The following ACSM1 variants were observed in gnomAD, a reference collection of about 807,000 sequenced individuals.
The protein encoded by ACSM1 is acyl-coenzyme A synthetase ACSM1, mitochondrial.
ACSM1 carries 79 observed loss-of-function variants against 75.8 expected under a neutral mutation model. The observed-to-expected ratio is 1.04, with a 90% CI of 0.87 to 1.26. ACSM1 has a LOEUF of 1.26. Ranked by LOEUF, ACSM1 falls within the 50% of genes most tolerant of loss-of-function variation. The pLI, the probability that ACSM1 is intolerant of heterozygous loss-of-function variation, is 0.00. For missense variants in ACSM1, 676 were observed against 720.1 expected (o/e 0.94, Z 0.70); for synonymous variants, 279 against 265.8 (o/e 1.05, Z -0.48).
chr16:20,687,533 A>T (rs1311469093), intron 2 of ACSM1, among the ~76,000 whole-genome samples: 1 of 152,100 alleles, frequency 6.6e-6, no homozygotes, highest in Non-Finnish European at 1.5e-5. Context: ...CTTTTTTCAA[A>T]TGCCTAACTT....
intron 6 of ACSM1, among the ~76,000 whole-genome samples, chr16:20,663,623 C>T (rs116357727): frequency 0.014 from 2,151 of 152,178 alleles, 54 homozygotes; most frequent in African/African-American, 0.05. Flanking sequence ...GCTGTGATTG[C>T]TATGTTTGAC....
At chr16:20,677,558 A>G (rs78343084) in intron 4 of ACSM1, among the ~76,000 whole-genome samples, 1 of 152,224 alleles carries the variant, frequency 6.6e-6, no homozygotes, top group African/African-American at 2.4e-5. Context: ...ATTGCTGTGT[A>G]AATGTGATAG....
At chr16:20,649,691 T>C (rs537580480) in intron 7 of ACSM1, among the ~76,000 whole-genome samples, 1 of 152,286 alleles carries the variant, frequency 6.6e-6, no homozygotes, top group South Asian at 2.1e-4. Context: ...TGAGAAAATG[T>C]TTAAATTTAC....
intron 7 of ACSM1, among the ~76,000 whole-genome samples, chr16:20,656,226 T>C (rs1440497882): frequency 6.6e-6 from 1 of 152,188 alleles, no homozygotes; most frequent in Non-Finnish European, 1.5e-5. Context: ...ATATGTGTCA[T>C]GTGGAAGTGA....
chr16:20,675,872 G>A lies in ACSM1; in HGVS notation c.612-4201C>T, dbSNP rs557808404. Among the ~76,000 whole-genome samples the A allele has an allele frequency of 1.7e-4, 26 of 152,320 alleles. No individual in the cohort carries two copies. The East Asian group carries it at 4.0e-3, about 24-fold the overall frequency. ...AGAAACCAGCTGCGCTGGCGGCTACGGAGTTAAAGGTAAAGTCACAGAGGC... is the reference window on the plus strand; with the variant it reads ...AGAAACCAGCTGCGCTGGCGGCTACAGAGTTAAAGGTAAAGTCACAGAGGC... On this transcript the variant is annotated intron_variant, in intron 4 of 13. Coordinates refer to ENST00000520010, the MANE Select transcript of ACSM1 (RefSeq NM_001318890.3).
chr16:20,659,799 T>C (rs1218996649), intron 7 of ACSM1, among the ~76,000 whole-genome samples: 1 of 152,190 alleles, frequency 6.6e-6, no homozygotes, highest in Non-Finnish European at 1.5e-5. Flanking sequence ...TCTGAGAGTT[T>C]CCTCTGCACA....
chr16:20,685,242 C>T lies in ACSM1; in HGVS notation c.354G>A (p.Leu118=). 1 of 1,614,194 alleles carries T rather than the reference C, an allele frequency of 6.2e-7. No homozygotes were observed. The highest frequency in any genetic ancestry group is 8.5e-7 in the Non-Finnish European group (1 of 1,180,036). ...LQQGDHLALM[L]PRVPEWWLVA... ...CCAGCCACCACTCAGGAACTCGAGG[C>T]AGCATCAAGGCCAGATGGTCTCCCT... The change falls in exon 3 of 14, where the codon CTG becomes CTA. Residue 118 remains leucine, a synonymous_variant. Transcript: ENST00000520010.
intron 7 of ACSM1, among the ~76,000 whole-genome samples, chr16:20,651,705 T>G (rs1567271882): frequency 6.6e-6 from 1 of 151,998 alleles, no homozygotes. Flanking sequence ...TAATTGGCTT[T>G]AAAAAGTGCT....
intron 3 of ACSM1, 123 bp from the exon 4 acceptor site, chr16:20,682,586 C>T (rs1395585832): frequency 1.5e-6 from 1 of 674,862 alleles, no homozygotes; most frequent in Non-Finnish European, 2.6e-6. Context: ...CACAGAACAA[C>T]AGCAGCAGCA....
At chr16:20,636,000 T>C (rs1001500787) in intron 10 of ACSM1, among the ~76,000 whole-genome samples, 3 of 152,188 alleles carry the variant, frequency 2.0e-5, no homozygotes, top group African/African-American at 7.2e-5. Context: ...GTAAGGCCTG[T>C]ATGTTCCCCT....
In ACSM1 at chr16:20,636,720, G is replaced by T. The variant is rs899230274; in HGVS notation, c.1299+19C>A. ...TGGGATCCTTGGGGCCAGGATGGGG[G>T]CAGATGGGGGGTCATTACCTCATAG... On this transcript the variant is annotated intron_variant, in intron 10 of 13. Coordinates refer to ENST00000520010, the MANE Select transcript of ACSM1 (RefSeq NM_001318890.3). 7 of 1,593,282 alleles carry T rather than the reference G, an allele frequency of 4.4e-6. No homozygotes were observed. Among genetic ancestry groups the T allele is most frequent in the South Asian group, 1.1e-5 (1 of 90,570 alleles).
intron 9 of ACSM1, 67 bp downstream of exon 9, chr16:20,637,304 C>G: frequency 7.9e-7 from 1 of 1,263,180 alleles, no homozygotes; most frequent in African/African-American, 1.5e-5. Context: ...GTGTTGTCAC[C>G]TGGTGTCAAA....
intron 7 of ACSM1, among the ~76,000 whole-genome samples, chr16:20,657,578 G>A (rs969488173): frequency 5.3e-5 from 8 of 151,872 alleles, no homozygotes; most frequent in East Asian, 3.9e-4. Context: ...CAAAGTGCTG[G>A]GATTACAGGC....
At chr16:20,669,701 G>T in intron 6 of ACSM1, 126 bp downstream of exon 6, 1 of 931,892 alleles carries the variant, frequency 1.1e-6, no homozygotes, top group Non-Finnish European at 1.6e-6. Flanking sequence ...ACTTTGAGAA[G>T]CCCAGGCTCA....
intron 1 of ACSM1, among the ~76,000 whole-genome samples, chr16:20,696,883 T>C (rs140964643): frequency 1.2e-4 from 19 of 152,326 alleles, no homozygotes; most frequent in African/African-American, 4.6e-4. Context: ...TTTGTCTCTG[T>C]TGTCTAGCAG....
At chr16:20,655,247 G>T (rs1277517227) in intron 7 of ACSM1, among the ~76,000 whole-genome samples, 1 of 121,236 alleles carries the variant, frequency 8.2e-6, no homozygotes, top group Non-Finnish European at 1.7e-5. Flanking sequence ...AGGGCCTGTT[G>T]TGGGGTGGGG....
rs747352413 is a variant in ACSM1, at chr16:20,685,307, G to A, written c.289C>T (p.Arg97Cys). ...GTCTGTGTGAAGACGTTGGCTACAC[G>A]GCGGGTTAGGTCTCCCATCTCTCTG... ...SFREMGDLTR[R>C]VANVFTQTCG... Residue 97 changes from arginine (R) to cysteine (C), a missense_variant, in exon 3 of 14, where the codon CGT becomes TGT. By Grantham distance (180) the Arg-to-Cys change is radical. Transcript: ENST00000520010. The A allele has an allele frequency of 4.3e-6, 7 of 1,614,170 alleles. No individual in the cohort carries two copies. The highest frequency in any genetic ancestry group is 1.6e-4 in the Middle Eastern group (1 of 6,062).
chr16:20,657,729 G>A (rs147301345), intron 7 of ACSM1, among the ~76,000 whole-genome samples: 1,585 of 151,958 alleles, frequency 0.01, 36 homozygotes, highest in African/African-American at 0.036. Flanking sequence ...TTAGCATTAG[G>A]TATATCTCCT....
At chr16:20,671,440 GACACACACACACACAC>G (rs55913255) in intron 5 of ACSM1, 75 bp downstream of exon 5, 51,029 of 970,560 alleles carry the variant, frequency 0.053, 852 homozygotes, top group Non-Finnish European at 0.06. Context: ...CCTTTCCCAA[GACACACACACACACAC>G]ACACACACAC....
Sources: allele counts gnomAD v4.1 joint callset (sites outside exome capture counted in the v4.1 genomes callset), GRCh38; gene constraint gnomAD v4.1.1; transcripts MANE v1.5; gene names NCBI Gene and HGNC (gene_info 2026-07-23, HGNC 2026-07-21).